Variants in VIT observed in about 807,000 individuals in gnomAD.
The protein encoded by VIT is vitrin.
VIT carries 99 observed loss-of-function variants against 78.0 expected under a neutral mutation model. That is an observed-to-expected ratio of 1.27 (90% CI 1.08 to 1.50). The LOEUF (loss-of-function observed/expected upper bound fraction) is 1.50. Ranked by LOEUF, VIT falls within the 40% of genes most tolerant of loss-of-function variation. The pLI, the probability that VIT is intolerant of heterozygous loss-of-function variation, is 0.00. For synonymous variants in VIT, 374 were observed against 334.3 expected (o/e 1.12, Z -1.29); for missense variants, 1,126 against 875.3 (o/e 1.29, Z -3.61).
chr2:36,780,511 T>C (rs976019570), intron 9 of VIT, among the ~76,000 whole-genome samples: 2 of 152,216 alleles, frequency 1.3e-5, no homozygotes, highest in Non-Finnish European at 2.9e-5. Flanking sequence ...GAGACTATCT[T>C]GCCCAATCTG....
chr2:36,716,379 T>C lies in VIT; in HGVS notation c.9T>C (p.Thr3=), dbSNP rs990731504. 6.2e-7 allele frequency: 1 copy of C among 1,613,938 alleles called. No homozygotes were observed. Among genetic ancestry groups the C allele is most frequent in the Non-Finnish European group, 8.5e-7 (1 of 1,179,822 alleles). The change falls in exon 2 of 16, where the codon ACT becomes ACC. Residue 3 remains threonine, a synonymous_variant. Transcript: ENST00000379242. ...GTGTCATTCTGATATTTATGAGGAC[T>C]GTTGTTCTCACTATGAAGGCATCTG... The part of the protein sequence containing the change: MR[T]VVLTMKASVI...
rs776907271 is a variant in VIT at position 36,716,367 on chromosome 2, A to T, written c.-4A>T. ...TTTCTCTCCAGGGTGTCATTCTGAT[A>T]TTTATGAGGACTGTTGTTCTCACTA... is the stretch of plus-strand genomic sequence containing the variant. On this transcript the variant is annotated 5_prime_UTR_variant, in exon 2 of 16. Coordinates refer to ENST00000379242, the MANE Select transcript of VIT (RefSeq NM_053276.4). 6.2e-7 allele frequency: 1 copy of T among 1,613,780 alleles called. No individual in the cohort carries two copies. The highest frequency in any genetic ancestry group is 8.5e-7 in the Non-Finnish European group (1 of 1,179,764).
In VIT at chr2:36,758,994, C is replaced by A; in HGVS notation, c.435C>A (p.Thr145=). 6.2e-7 allele frequency: 1 copy of A among 1,614,018 alleles called. No homozygotes were observed. The highest frequency in any genetic ancestry group is 8.5e-7 in the Non-Finnish European group (1 of 1,180,008). ...AAAGTAAACCCAAAAAGGGTGTAAC[C>A]TACCCATCAGCTCTTACATACTCAT... ...VLESKPKKGV[T]YPSALTYSSS... is the part of the protein sequence containing the mutation. Residue 145 remains threonine, a synonymous_variant, in exon 6 of 16, where the codon ACC becomes ACA. Transcript: ENST00000379242.
In VIT at chr2:36,758,928, C is replaced by T. The variant is rs1476486646; in HGVS notation, c.410-41C>T. The T allele has an allele frequency of 1.9e-6, 3 of 1,555,556 alleles. No individual in the cohort carries two copies. The East Asian group carries it at 6.7e-5, about 35-fold the overall frequency. On this transcript the variant is annotated intron_variant, in intron 5 of 15. Coordinates refer to ENST00000379242, the MANE Select transcript of VIT (RefSeq NM_053276.4). ...GTACAGAACCATCTAAAACCTCTAG[C>T]TCTAGAAATAAATCTCGTTTTTTTT...
intron 12 of VIT, among the ~76,000 whole-genome samples, chr2:36,796,404 T>A (rs1020651319): frequency 6.6e-6 from 1 of 152,224 alleles, no homozygotes; most frequent in African/African-American, 2.4e-5. Context: ...AATGGCTCAG[T>A]ACTTGCTAAT....
chr2:36,701,700 T>C (rs1665071659), intron 1 of VIT, among the ~76,000 whole-genome samples: 1 of 152,218 alleles, frequency 6.6e-6, no homozygotes, highest in Admixed American at 6.5e-5. Flanking sequence ...CTTAATGCTA[T>C]GTGAATTCCC....
At chr2:36,796,873 AC>A (rs1665941495) in intron 12 of VIT, among the ~76,000 whole-genome samples, 1 of 152,170 alleles carries the variant, frequency 6.6e-6, no homozygotes. Context: ...GTCACCAGAC[AC>A]CCTCAGGAAA....
intron 1 of VIT, among the ~76,000 whole-genome samples, chr2:36,712,366 C>A (rs1389151493): frequency 6.6e-6 from 1 of 152,182 alleles, no homozygotes; most frequent in East Asian, 1.9e-4. Flanking sequence ...TTTATCCATT[C>A]ATTCCAGCTT....
chr2:36,766,236 A>T (rs1669420059), intron 6 of VIT, among the ~76,000 whole-genome samples: 1 of 152,202 alleles, frequency 6.6e-6, no homozygotes. Context: ...ACCATTTAGA[A>T]GTCGAATCTA....
intron 6 of VIT, among the ~76,000 whole-genome samples, chr2:36,764,539 G>A (rs1470475103): frequency 6.6e-6 from 1 of 152,240 alleles, no homozygotes; most frequent in African/African-American, 2.4e-5. Context: ...GCTGCTGTGA[G>A]CTCTTTAGTG....
intron 15 of VIT, among the ~76,000 whole-genome samples, chr2:36,813,279 G>C (rs1315374810): frequency 1.3e-5 from 2 of 151,826 alleles, no homozygotes; most frequent in African/African-American, 4.8e-5. Flanking sequence ...GTGAAACCCT[G>C]TCTCTACTAA....
intron 1 of VIT, among the ~76,000 whole-genome samples, chr2:36,710,283 G>A (rs1273485231): frequency 6.6e-6 from 1 of 152,036 alleles, no homozygotes. Context: ...ATTTAAATAG[G>A]ACAAAATGGT....
At chr2:36,718,529 C>T (rs1359819502) in intron 2 of VIT, among the ~76,000 whole-genome samples, 1 of 152,156 alleles carries the variant, frequency 6.6e-6, no homozygotes, top group Non-Finnish European at 1.5e-5. Context: ...CAGCTCTGTC[C>T]AAGCTACTTG....
chr2:36,740,115 G>T (rs762025553), intron 3 of VIT, among the ~76,000 whole-genome samples: 2 of 152,140 alleles, frequency 1.3e-5, no homozygotes, highest in Admixed American at 6.5e-5. Context: ...AAGGAAATCC[G>T]ATTTTCTGCA....
chr2:36,762,616 G>C (rs11674497), intron 6 of VIT, among the ~76,000 whole-genome samples: 1 of 151,788 alleles, frequency 6.6e-6, no homozygotes, highest in African/African-American at 2.4e-5. Context: ...TTAAAGGAGT[G>C]GTCCCCTTGG....
intron 3 of VIT, among the ~76,000 whole-genome samples, chr2:36,742,339 C>T (rs1284654458): frequency 1.3e-5 from 2 of 152,084 alleles, no homozygotes; most frequent in Non-Finnish European, 2.9e-5. Context: ...ATAGCAAAGC[C>T]AAAACAGAGG....
In VIT at chr2:36,702,336, C is replaced by G. The variant is rs531126703; in HGVS notation, c.-19+5363C>G. The stretch of plus-strand genomic sequence containing the variant: ...AATTTCCCCCAGACACCGCCTACCG[C>G]TCACTCACACACTAGGGGGCAGTTC... On this transcript the variant is annotated intron_variant, in intron 1 of 15. Transcript: ENST00000379242. 4.6e-5 allele frequency among the ~76,000 whole-genome samples: 7 copies of G among 152,236 alleles called. No homozygotes were observed. The South Asian group carries it at 1.5e-3, about 32-fold the overall frequency.
chr2:36,800,853 C>T lies in VIT; in HGVS notation c.1059-448C>T, dbSNP rs115775517. Among the ~76,000 whole-genome samples, 1,501 of 152,240 alleles carry T rather than the reference C, an allele frequency of 9.9e-3. 17 individuals are homozygous for T. The highest frequency in any genetic ancestry group is 0.034 in the African/African-American group (1,422 of 41,528). ...TCTCCTTGGTACCACTATTCACGTG[C>T]AATTCCAGTGCTAAGGGTAACCCAG... On this transcript the variant is annotated intron_variant, in intron 12 of 15. Transcript: ENST00000379242.
intron 1 of VIT, among the ~76,000 whole-genome samples, chr2:36,701,622 G>GAA (rs35301379): frequency 2.6e-5 from 4 of 151,988 alleles, no homozygotes; most frequent in Admixed American, 2.0e-4. Context: ...TATTCAAAAA[G>GAA]AAAAAAATAT....
Sources: allele counts gnomAD v4.1 joint callset (sites outside exome capture counted in the v4.1 genomes callset), GRCh38; gene constraint gnomAD v4.1.1; transcripts MANE v1.5; gene names NCBI Gene and HGNC (gene_info 2026-07-23, HGNC 2026-07-21).